POLR3F: variants seen among roughly 807,000 people sequenced by gnomAD.
The protein encoded by POLR3F is RNA polymerase III subunit F, also known as DNA-directed RNA polymerase III subunit RPC6.
POLR3F carries 31 observed loss-of-function variants against 43.6 expected under a neutral mutation model. The ratio of observed to expected loss-of-function variants is 0.71; its 90% CI spans 0.53 to 0.96. POLR3F has a LOEUF of 0.96. Among genes scored for constraint, POLR3F ranks in the 40% least tolerant of loss-of-function variants. The probability of loss-of-function intolerance (pLI) is 0.00; values close to 1 mark genes in which losing one functional copy is unlikely to be tolerated. For missense variants in POLR3F, 316 were observed against 391.7 expected, an observed-to-expected ratio of 0.81 and a Z score of 1.63; for synonymous variants, 114 against 132.5, an observed-to-expected ratio of 0.86 and a Z score of 0.96.
At chr20:18,476,898 A>C (rs1273097490) in intron 5 of POLR3F, among the ~76,000 whole-genome samples, 1 of 152,126 alleles carries the variant, frequency 6.6e-6, no homozygotes, top group Non-Finnish European at 1.5e-5. Context: ...AACATGGTGA[A>C]ACCCTGTCTC....
In POLR3F at chr20:18,483,470, C is replaced by T. The variant is rs576159125; in HGVS notation, c.874-11C>T. ...TTTAATTTGAATATAATTTTTTTTT[C>T]TTTTTTAAAGGTTTTTGATGACTGC... On this transcript the variant is annotated splice_polypyrimidine_tract_variant and intron_variant, in intron 8 of 8. Coordinates refer to ENST00000377603, the MANE Select transcript of POLR3F (RefSeq NM_006466.4). 3.2e-5 allele frequency: 44 copies of T among 1,358,592 alleles called. No individual in the cohort carries two copies. In the African/African-American group the frequency reaches 5.3e-4, roughly 16 times the overall value. The allele number at this position is 1,358,592 out of a possible 1,614,324, so 84.2% of individuals were successfully genotyped here.
chr20:18,468,150 C>A (rs1358229024), intron 1 of POLR3F, among the ~76,000 whole-genome samples: 1 of 152,180 alleles, frequency 6.6e-6, no homozygotes, highest in Non-Finnish European at 1.5e-5. Context: ...GATCTCGGTT[C>A]ACTGCAATCT....
rs3827965 is a variant in POLR3F at position 18,483,466 on chromosome 20, T to C, written c.874-15T>C. 1,085,965 of 1,266,752 alleles carry C rather than the reference T, an allele frequency of 0.86. 467,084 individuals are homozygous for C. The highest frequency in any genetic ancestry group is 0.9 in the South Asian group (66,657 of 73,672). The allele number at this position is 1,266,752 out of a possible 1,614,324, so 78.5% of individuals were successfully genotyped here. On this transcript the variant is annotated splice_polypyrimidine_tract_variant and intron_variant, in intron 8 of 8. Transcript: ENST00000377603. The stretch of plus-strand genomic sequence containing the variant: ...AAACTTTAATTTGAATATAATTTTT[T>C]TTTCTTTTTTAAAGGTTTTTGATGA...
At chr20:18,473,086 C>G in intron 3 of POLR3F, 177 bp downstream of exon 3, 1 of 385,234 alleles carries the variant, frequency 2.6e-6, no homozygotes, top group Non-Finnish European at 4.7e-6. Flanking sequence ...ATCCTTTCTT[C>G]TAGCTATATA....
intron 5 of POLR3F, among the ~76,000 whole-genome samples, chr20:18,475,671 GC>G (rs1166926378): frequency 1.3e-5 from 2 of 152,126 alleles, no homozygotes; most frequent in Admixed American, 6.6e-5. Context: ...GGGGACATCT[GC>G]CCCTGACCTC....
rs1221662786 is a variant in POLR3F, at chr20:18,472,839, T to C, written c.181-3T>C. The C allele has an allele frequency of 1.5e-6, 2 of 1,373,238 alleles. No individual in the cohort carries two copies. Among genetic ancestry groups the C allele is most frequent in the East Asian group, 2.5e-5 (1 of 40,246 alleles). The allele number at this position is 1,373,238 out of a possible 1,614,324, so 85.1% of individuals were successfully genotyped here. A position where few individuals can be genotyped will look rare whatever the true frequency, so the allele number is the denominator to read the frequency against. On this transcript the variant is annotated splice_region_variant and splice_polypyrimidine_tract_variant and intron_variant, in intron 2 of 8. Coordinates refer to ENST00000377603, the MANE Select transcript of POLR3F (RefSeq NM_006466.4). ...TCCTGTTTTCTACTGTCTTAAAAACTAGGGTCAGTTGGATCTCTTAAGGAG... is the reference window on the plus strand; with the variant it reads ...TCCTGTTTTCTACTGTCTTAAAAACCAGGGTCAGTTGGATCTCTTAAGGAG...
chr20:18,480,958 G>A (rs2059806605), intron 7 of POLR3F, among the ~76,000 whole-genome samples: 1 of 152,110 alleles, frequency 6.6e-6, no homozygotes, highest in African/African-American at 2.4e-5. Context: ...TAAAAACTAG[G>A]AACTTGGACT....
intron 5 of POLR3F, among the ~76,000 whole-genome samples, chr20:18,476,623 A>G (rs914228110): frequency 2.6e-5 from 4 of 152,260 alleles, no homozygotes; most frequent in Admixed American, 6.5e-5. Flanking sequence ...TTCTTGGACT[A>G]TAACTCCAAT....
At position 18,480,519 on chromosome 20, in the gene POLR3F, G is replaced by C. The variant is rs180982097; in HGVS notation, c.681+10G>C. On this transcript the variant is annotated intron_variant, in intron 7 of 8. Transcript: ENST00000377603. ...ATTGGGAATCAGTAAGGTCAGAACT[G>C]AATTTCATCTTATTTTTTAAAACTT... is the stretch of plus-strand genomic sequence containing the variant. 4.9e-5 allele frequency: 69 copies of C among 1,401,422 alleles called. No homozygotes were observed. Among genetic ancestry groups the C allele is most frequent in the Admixed American group, 8.7e-5 (5 of 57,766 alleles). The allele number at this position is 1,401,422 out of a possible 1,614,324, so 86.8% of individuals were successfully genotyped here.
At position 18,468,969 on chromosome 20, in the gene POLR3F, C is replaced by T; in HGVS notation, c.88C>T (p.Pro30Ser). The change falls in exon 2 of 9, where the codon CCT becomes TCT. Residue 30 changes from proline to serine, a missense_variant. Around this residue, in one of 3 missense-constraint regions of POLR3F, gnomAD observed 122 missense variants for 133.8 expected, o/e 0.91. Transcript: ENST00000377603. The stretch of plus-strand genomic sequence containing the variant: ...GATTATAGAATTATGTCACCAGTTC[C>T]CTCATGGAATCACAGACCAAGTAAT... ...NRIIELCHQFPHGITDQVIQN... is the reference protein window; with the variant it reads ...NRIIELCHQFSHGITDQVIQN... 6.4e-7 allele frequency: 1 copy of T among 1,558,400 alleles called. No individual in the cohort carries two copies. Among genetic ancestry groups the T allele is most frequent in the South Asian group, 1.1e-5 (1 of 90,030 alleles).
intron 7 of POLR3F, 117 bp downstream of exon 7, chr20:18,480,626 T>C: frequency 1.5e-6 from 1 of 669,486 alleles, no homozygotes; most frequent in Non-Finnish European, 2.6e-6. Context: ...CTACGAACAT[T>C]CTGCAGAATC....
intron 8 of POLR3F, 21 bp from the exon 9 acceptor site, chr20:18,483,460 A>AT: frequency 1.1e-4 from 129 of 1,174,216 alleles, no homozygotes; most frequent in African/African-American, 1.4e-4. Flanking sequence ...TTTGAATATA[A>AT]TTTTTTTTTC....
At chr20:18,479,515 TA>T (rs1344615987) in intron 5 of POLR3F, among the ~76,000 whole-genome samples, 2 of 151,738 alleles carry the variant, frequency 1.3e-5, no homozygotes, top group African/African-American at 4.8e-5. Context: ...AAAAAAGTGC[TA>T]AAATACACAC....
At chr20:18,467,683 G>T (rs982688448) in intron 1 of POLR3F, 115 bp downstream of exon 1, 1 of 1,548,394 alleles carries the variant, frequency 6.5e-7, no homozygotes, top group Non-Finnish European at 8.7e-7. Context: ...TGAGCACGCG[G>T]GAAAAACGAT....
chr20:18,480,593 G>GT (rs57962043), intron 7 of POLR3F, 84 bp downstream of exon 7: 2,377 of 563,932 alleles, frequency 4.2e-3, no homozygotes, highest in Admixed American at 6.5e-3. Context: ...GACCCACATT[G>GT]TTTTTTTTTT....
chr20:18,468,982 C>T lies in POLR3F; in HGVS notation c.101C>T (p.Thr34Ile). ...TGTCACCAGTTCCCTCATGGAATCA[C>T]AGACCAAGTAATTCAGAATGAAATG... ...ELCHQFPHGI[T>I]DQVIQNEMPH... is the part of the protein sequence containing the mutation. Residue 34 changes from threonine (T) to isoleucine (I), a missense_variant, in exon 2 of 9, where the codon ACA (threonine) becomes ATA (isoleucine). Physicochemically the swap from Thr to Ile is moderately conservative, Grantham distance 89. Coordinates refer to ENST00000377603, the MANE Select transcript of POLR3F (RefSeq NM_006466.4). 6.3e-7 allele frequency: 1 copy of T among 1,588,846 alleles called. No individual in the cohort carries two copies. The highest frequency in any genetic ancestry group is 8.6e-7 in the Non-Finnish European group (1 of 1,156,852).
rs2059823781 is a variant in POLR3F, at chr20:18,483,889, A to C, written c.*331A>C. 1 of 394,186 alleles carries C rather than the reference A, an allele frequency of 2.5e-6. No homozygotes were observed. The highest frequency in any genetic ancestry group is 4.5e-6 in the Non-Finnish European group (1 of 224,218). The allele number at this position is 394,186 out of a possible 1,614,324, so 24.4% of individuals were successfully genotyped here. A position where few individuals can be genotyped will look rare whatever the true frequency, so the allele number is the denominator to read the frequency against. ...ATACCCGTATTTACCAAGTACTATG[A>C]TAATGGCTAGAGTATAAAAATGTTC... is the stretch of plus-strand genomic sequence containing the variant. On this transcript the variant is annotated 3_prime_UTR_variant, in exon 9 of 9. Coordinates refer to ENST00000377603, the MANE Select transcript of POLR3F (RefSeq NM_006466.4).
At position 18,469,013 on chromosome 20, in the gene POLR3F, T is replaced by C. The variant is rs1568576334; in HGVS notation, c.132T>C (p.His44=). The change falls in exon 2 of 9, where the codon CAT becomes CAC. Residue 44 remains histidine (H), a synonymous_variant. Coordinates refer to ENST00000377603, the MANE Select transcript of POLR3F (RefSeq NM_006466.4). ...AAGTAATTCAGAATGAAATGCCTCATATAGAAGCCCAGCAGCGGGCAGTAG... is the reference window on the plus strand; with the variant it reads ...AAGTAATTCAGAATGAAATGCCTCACATAGAAGCCCAGCAGCGGGCAGTAG... The part of the protein sequence containing the change: ...TDQVIQNEMP[H]IEAQQRAVAI... The C allele has an allele frequency of 6.3e-7, 1 of 1,598,794 alleles. No homozygotes were observed. Among genetic ancestry groups the C allele is most frequent in the South Asian group, 1.1e-5 (1 of 90,812 alleles).
At chr20:18,476,316 G>C (rs892826222) in intron 5 of POLR3F, among the ~76,000 whole-genome samples, 9 of 152,088 alleles carry the variant, frequency 5.9e-5, no homozygotes, top group African/African-American at 2.2e-4. Flanking sequence ...TTATAGATTT[G>C]CCTATTCTGG....
Sources: gnomAD v4.1 joint callset for allele counts (sites outside exome capture counted in the v4.1 genomes callset) on GRCh38, gnomAD v4.1.1 for gene constraint, gnomAD v4.1.1 regional missense constraint, MANE v1.5 for transcripts, NCBI Gene and HGNC (gene_info 2026-07-23, HGNC 2026-07-21) for gene names.